Variants in PAX7 observed in about 807,000 individuals in gnomAD.
PAX7 encodes paired box protein Pax-7.
A neutral mutation model predicts 50.7 loss-of-function variants in PAX7; 18 were observed. The observed-to-expected ratio is 0.36, with a 90% CI of 0.25 to 0.53. The LOEUF (loss-of-function observed/expected upper bound fraction) is 0.53. Among genes scored for constraint, PAX7 ranks in the 20% least tolerant of loss-of-function variants. The probability of loss-of-function intolerance (pLI) is 0.93; values close to 1 mark genes in which losing one functional copy is unlikely to be tolerated. For synonymous variants in PAX7, 310 were observed against 290.4 expected, an observed-to-expected ratio of 1.07 and a Z score of -0.69; for missense variants, 644 against 702.9, an observed-to-expected ratio of 0.92 and a Z score of 0.95.
intron 5 of PAX7, among the ~76,000 whole-genome samples, chr1:18,693,043 G>C (rs1168168623): frequency 1.3e-5 from 2 of 152,192 alleles, no homozygotes; most frequent in African/African-American, 2.4e-5. Context: ...AGGCTGGAGG[G>C]TTGGGGATGG....
intron 8 of PAX7, among the ~76,000 whole-genome samples, chr1:18,736,456 C>T (rs1930651470): frequency 8.6e-6 from 1 of 116,002 alleles, no homozygotes; most frequent in Non-Finnish European, 1.8e-5. Context: ...CAGAGCAAGA[C>T]TCTGTCTCAA....
intron 4 of PAX7, among the ~76,000 whole-genome samples, chr1:18,647,289 G>T (rs892659219): frequency 2.0e-5 from 3 of 152,184 alleles, no homozygotes; most frequent in African/African-American, 7.2e-5. Context: ...AAAGGAGAAA[G>T]TTGCAGCCGT....
At chr1:18,714,213 A>ATAAATAAATAAG (rs2089389863) in intron 7 of PAX7, among the ~76,000 whole-genome samples, 2 of 145,392 alleles carry the variant, frequency 1.4e-5, no homozygotes, top group South Asian at 4.2e-4. Flanking sequence ...TCTCAAATAA[A>ATAAATAAATAAG]TAAATAAATA....
At chr1:18,633,784 C>A (rs977714884) in intron 1 of PAX7, among the ~76,000 whole-genome samples, 2 of 152,218 alleles carry the variant, frequency 1.3e-5, no homozygotes, top group Non-Finnish European at 2.9e-5. Context: ...TAGCCCCCAA[C>A]AAACTGGATC....
chr1:18,690,937 C>A (rs1390898733), intron 4 of PAX7, among the ~76,000 whole-genome samples: 2 of 152,178 alleles, frequency 1.3e-5, no homozygotes, highest in Admixed American at 6.5e-5. Context: ...GGAGCAGAGC[C>A]AGGCCTGGAA....
At chr1:18,724,509 C>T (rs755733375) in intron 7 of PAX7, among the ~76,000 whole-genome samples, 9 of 152,240 alleles carry the variant, frequency 5.9e-5, no homozygotes, top group Non-Finnish European at 8.8e-5. Context: ...CTGCAATTGA[C>T]AGGTGCACCC....
intron 4 of PAX7, among the ~76,000 whole-genome samples, chr1:18,665,389 G>A (rs1010542526): frequency 1.3e-5 from 2 of 151,908 alleles, no homozygotes; most frequent in Non-Finnish European, 2.9e-5. Context: ...TTTCTCTTTT[G>A]TTTTTGAGAC....
chr1:18,705,675 G>C (rs2089273741), intron 7 of PAX7, among the ~76,000 whole-genome samples: 1 of 152,188 alleles, frequency 6.6e-6, no homozygotes, highest in Non-Finnish European at 1.5e-5. Context: ...CCAACCCACT[G>C]GTGTGAGCAG....
intron 4 of PAX7, among the ~76,000 whole-genome samples, chr1:18,666,038 G>T (rs1321860675): frequency 1.3e-5 from 2 of 152,176 alleles, no homozygotes; most frequent in Non-Finnish European, 2.9e-5. Flanking sequence ...GCTGGGCATT[G>T]TGGCTCCAGC....
chr1:18,704,712 AAAC>A (rs990450240), intron 7 of PAX7, among the ~76,000 whole-genome samples: 2 of 152,046 alleles, frequency 1.3e-5, no homozygotes, highest in Admixed American at 6.6e-5. Context: ...TTAAAAAAAA[AAAC>A]AAACCTTTGT....
chr1:18,725,913 T>C (rs533262395), intron 7 of PAX7, among the ~76,000 whole-genome samples: 1 of 152,324 alleles, frequency 6.6e-6, no homozygotes, highest in South Asian at 2.1e-4. Flanking sequence ...CATCTGGTGT[T>C]TCCAGATATT....
chr1:18,691,125 G>C (rs1006857454), intron 4 of PAX7, among the ~76,000 whole-genome samples: 2 of 152,180 alleles, frequency 1.3e-5, no homozygotes, highest in Non-Finnish European at 2.9e-5. Context: ...CTACAGGCAT[G>C]CACTTCCACA....
chr1:18,631,113 A>G lies in PAX7; in HGVS notation c.-491A>G. ...AAATATATAAATAAATACGAGAACG[A>G]AATCCACTCCGCAGTCTCCGGGCTC... On this transcript the variant is annotated 5_prime_UTR_variant, in exon 1 of 9. Coordinates refer to ENST00000420770, the MANE Select transcript of PAX7 (RefSeq NM_001135254.2). 8.6e-6 allele frequency: 2 copies of G among 232,632 alleles called. No individual in the cohort carries two copies. Among genetic ancestry groups the G allele is most frequent in the African/African-American group, 4.4e-5 (2 of 45,308 alleles). The allele number at this position is 232,632 out of a possible 1,614,324, so 14.4% of individuals were successfully genotyped here.
chr1:18,696,433 T>C (rs1351464070), intron 5 of PAX7, among the ~76,000 whole-genome samples: 1 of 152,196 alleles, frequency 6.6e-6, no homozygotes, highest in Non-Finnish European at 1.5e-5. Flanking sequence ...TGTTTATTAA[T>C]TCTCACCATG....
At chr1:18,727,877 A>C (rs1429027307) in intron 7 of PAX7, among the ~76,000 whole-genome samples, 3 of 151,860 alleles carry the variant, frequency 2.0e-5, no homozygotes, top group Non-Finnish European at 4.4e-5. Flanking sequence ...CAGAGATGGA[A>C]ACTGAAGTGG....
chr1:18,744,701 G>GATGGATAA (rs1553145066), intron 8 of PAX7, 113 bp from the exon 9 acceptor site: 303 of 437,898 alleles, frequency 6.9e-4, no homozygotes, highest in African/African-American at 5.3e-3. Context: ...TGGATGGATG[G>GATGGATAA]ATGGATGGAT....
At position 18,699,105 on chromosome 1, in the gene PAX7, G is replaced by A. The variant is rs78201204; in HGVS notation, c.787-1548G>A. ...CCTCCCCTTGTTCATTCATTCATTC[G>A]TCATTCACTCCTTCATTCATTCAAC... is the stretch of plus-strand genomic sequence containing the variant. On this transcript the variant is annotated intron_variant, in intron 5 of 8. Transcript: ENST00000420770. 8.2e-3 allele frequency among the ~76,000 whole-genome samples: 1,241 copies of A among 152,218 alleles called. 17 individuals carry two copies. Among genetic ancestry groups the A allele is most frequent in the African/African-American group, 0.028 (1,161 of 41,516 alleles).
At chr1:18,649,995 T>C (rs9439714) in intron 4 of PAX7, among the ~76,000 whole-genome samples, 42,785 of 152,138 alleles carry the variant, frequency 0.28, 7,540 homozygotes, top group Middle Eastern at 0.42. Context: ...CTTTGAGCTG[T>C]AATACTCTGG....
Position 18,634,337 on chromosome 1 carries a change from G to T in PAX7, c.120G>T (p.Gln40His). The change falls in exon 2 of 9, where the codon CAG becomes CAT. Residue 40 changes from glutamine (Q) to histidine (H), a missense_variant. Coordinates refer to ENST00000420770, the MANE Select transcript of PAX7 (RefSeq NM_001135254.2). This position sits in a 1 kb window ranked among gnomAD's most constrained non-coding sequence, Gnocchi z 4.0. ...CGCTTGGCCAAGGCCGGGTCAATCA[G>T]CTGGGAGGGGTCTTCATCAATGGGC... ...STPLGQGRVN[Q>H]LGGVFINGRP... 1.2e-6 allele frequency: 2 copies of T among 1,614,004 alleles called. No homozygotes were observed. The highest frequency in any genetic ancestry group is 1.3e-5 in the African/African-American group (1 of 75,058).
Sources: gnomAD v4.1 joint callset for allele counts (sites outside exome capture counted in the v4.1 genomes callset) on GRCh38, gnomAD v4.1.1 for gene constraint, Gnocchi (gnomAD v3.1) non-coding constraint, MANE v1.5 for transcripts, NCBI Gene and HGNC (gene_info 2026-07-23, HGNC 2026-07-21) for gene names.